Variants in DMD observed in about 807,000 individuals in gnomAD.
DMD encodes mutant dystrophin.
A neutral mutation model predicts 330.1 loss-of-function variants in DMD; 63 were observed. The observed-to-expected ratio is 0.19, with a 90% confidence interval of 0.16 to 0.24. DMD has a LOEUF of 0.24. DMD is among the 10% of genes least tolerant of loss of function. The pLI is 1.00. For synonymous variants in DMD, 1,223 were observed against 959.8 expected (o/e 1.27, Z -5.07); for missense variants, 3,344 against 2,684.1 (o/e 1.25, Z -5.43).
chrX:31,774,497 G>A (rs1447365363), intron 50 of DMD, among the ~76,000 whole-genome samples: 1 of 111,539 alleles, frequency 9.0e-6, no homozygotes, highest in Non-Finnish European at 1.9e-5. Flanking sequence ...AGCCTTCTCA[G>A]TAACAATCAT....
intron 1 of DMD, among the ~76,000 whole-genome samples, chrX:33,220,732 C>T (rs778281757): frequency 1.8e-5 from 2 of 111,194 alleles, no homozygotes; most frequent in East Asian, 2.8e-4. Flanking sequence ...TTATATGCTC[C>T]CTCATTCTTC....
At position 33,137,795 on chromosome X, in the gene DMD, A is replaced by G. The variant is rs765858279; in HGVS notation, c.31+73487T>C. On this transcript the variant is annotated intron_variant, in intron 1 of 78. Transcript: ENST00000357033. ...GAACTGAAAAAGTGAGGAAGAAGGG[A>G]AAAATAATGAAGGAACAGAAGATGA... Among the ~76,000 whole-genome samples, 45 of 112,137 alleles carry G rather than the reference A, an allele frequency of 4.0e-4. 1 individual carries two copies. The South Asian group carries it at 0.016, about 39-fold the overall frequency.
intron 13 of DMD, among the ~76,000 whole-genome samples, chrX:32,590,919 A>T (rs1441439421): frequency 8.9e-6 from 1 of 111,969 alleles, no homozygotes; most frequent in Non-Finnish European, 1.9e-5. Flanking sequence ...TTATATACAC[A>T]TATATACATC....
chrX:32,737,967 A>G (rs2068741770), intron 7 of DMD, among the ~76,000 whole-genome samples: 1 of 112,086 alleles, frequency 8.9e-6, no homozygotes, highest in African/African-American at 3.2e-5. Flanking sequence ...AAATTAAAGC[A>G]TTACTAGGAG....
chrX:32,031,678 C>A (rs1274737310), intron 44 of DMD, among the ~76,000 whole-genome samples: 1 of 111,896 alleles, frequency 8.9e-6, no homozygotes, highest in African/African-American at 3.2e-5. Context: ...TTCACGTAAT[C>A]ATTCCTGGCA....
chrX:33,143,953 C>A (rs1198114887), intron 1 of DMD, among the ~76,000 whole-genome samples: 2 of 111,064 alleles, frequency 1.8e-5, no homozygotes, highest in South Asian at 3.7e-4. Context: ...AATCTGATAT[C>A]CAAAGACTGG....
chrX:31,516,061 C>T (rs985988111), intron 55 of DMD, among the ~76,000 whole-genome samples: 4 of 111,248 alleles, frequency 3.6e-5, no homozygotes, highest in Non-Finnish European at 7.5e-5. Context: ...CACTTGCATA[C>T]ACTCATACGT....
intron 16 of DMD, among the ~76,000 whole-genome samples, chrX:32,553,940 C>G (rs752273542): frequency 1.1e-3 from 119 of 111,831 alleles, no homozygotes; most frequent in African/African-American, 3.8e-3. Context: ...AAGTGGGACC[C>G]TGATCCATCC....
At chrX:32,656,337 AG>A (rs1240760619) in intron 9 of DMD, among the ~76,000 whole-genome samples, 1 of 111,854 alleles carries the variant, frequency 8.9e-6, no homozygotes, top group Non-Finnish European at 1.9e-5. Context: ...ACTGGGCAAC[AG>A]GACTATGGAT....
intron 2 of DMD, among the ~76,000 whole-genome samples, chrX:32,914,043 T>A (rs1313893294): frequency 3.6e-5 from 4 of 111,743 alleles, no homozygotes; most frequent in African/African-American, 1.3e-4. Flanking sequence ...TCTCTAGTCC[T>A]CGCCTCAGGC....
At chrX:31,452,536 T>C (rs2065839557) in intron 59 of DMD, among the ~76,000 whole-genome samples, 1 of 111,648 alleles carries the variant, frequency 9.0e-6, no homozygotes, top group African/African-American at 3.3e-5. Context: ...TGAGCTGAGA[T>C]TGCAACATTG....
chrX:32,991,947 T>C (rs1478027094), intron 2 of DMD, among the ~76,000 whole-genome samples: 1 of 112,357 alleles, frequency 8.9e-6, no homozygotes, highest in African/African-American at 3.2e-5. Context: ...CAGCTTGCAA[T>C]TGCTTATTGT....
chrX:31,763,572 A>C (rs1203525217), intron 51 of DMD, among the ~76,000 whole-genome samples: 2 of 112,007 alleles, frequency 1.8e-5, no homozygotes, highest in African/African-American at 6.5e-5. Flanking sequence ...CAAAAAAACA[A>C]AACAAAAACA....
intron 41 of DMD, among the ~76,000 whole-genome samples, chrX:32,331,913 G>C (rs768424650): frequency 4.5e-5 from 5 of 111,494 alleles, no homozygotes; most frequent in Admixed American, 1.9e-4. Context: ...CTTTGGACTA[G>C]AGATATTCGG....
At chrX:32,314,745 C>T (rs188344554) in intron 41 of DMD, among the ~76,000 whole-genome samples, 206 of 111,550 alleles carry the variant, frequency 1.8e-3, no homozygotes, top group Non-Finnish European at 3.1e-3. Flanking sequence ...ACAGACACTT[C>T]GCAAAAGAAG....
At chrX:32,937,224 T>G (rs772390966) in intron 2 of DMD, among the ~76,000 whole-genome samples, 40 of 110,582 alleles carry the variant, frequency 3.6e-4, no homozygotes, top group Non-Finnish European at 6.2e-4. Context: ...AAGAGAGAAC[T>G]GTCCAGCAGA....
intron 21 of DMD, among the ~76,000 whole-genome samples, chrX:32,473,021 A>C (rs1308491331): frequency 9.0e-6 from 1 of 111,079 alleles, no homozygotes; most frequent in African/African-American, 3.3e-5. Flanking sequence ...CAGTATGTAT[A>C]TACAAACAAG....
intron 2 of DMD, among the ~76,000 whole-genome samples, chrX:32,926,520 C>T (rs2089027448): frequency 9.0e-6 from 1 of 111,036 alleles, no homozygotes; most frequent in Admixed American, 9.6e-5. Flanking sequence ...GAGGCGGAAG[C>T]GGGCGGATTG....
At chrX:32,336,153 ATC>A (rs1451128677) in intron 41 of DMD, among the ~76,000 whole-genome samples, 2 of 108,659 alleles carry the variant, frequency 1.8e-5, no homozygotes, top group Admixed American at 2.0e-4. Context: ...ATAACATGTT[ATC>A]TGTGTGTGTA....
Sources: gnomAD v4.1 joint callset for allele counts (sites outside exome capture counted in the v4.1 genomes callset) on GRCh38, gnomAD v4.1.1 for gene constraint, MANE v1.5 for transcripts, NCBI Gene and HGNC (gene_info 2026-07-23, HGNC 2026-07-21) for gene names.